Variants in LYAR observed in about 807,000 individuals in gnomAD.
LYAR encodes Ly1 antibody reactive, also known as cell growth-regulating nucleolar protein.
LYAR carries 37 observed loss-of-function variants against 45.2 expected under a neutral mutation model. The observed-to-expected ratio is 0.82, with a 90% CI of 0.63 to 1.08. The LOEUF (loss-of-function observed/expected upper bound fraction) is 1.08. Ranked by LOEUF, LYAR falls within the 50% of genes least tolerant of loss-of-function variation. The pLI is 0.00. For missense variants in LYAR, 493 were observed against 451.0 expected (o/e 1.09, Z -0.84); for synonymous variants, 176 against 155.1 (o/e 1.14, Z -1.00).
At chr4:4,278,234 C>A (rs1202333409) in intron 6 of LYAR, among the ~76,000 whole-genome samples, 5 of 152,150 alleles carry the variant, frequency 3.3e-5, no homozygotes, top group Non-Finnish European at 1.5e-5. Context: ...AAATTTTCAT[C>A]TTGATGCCCA....
At chr4:4,274,005 G>C (rs113585120) in intron 7 of LYAR, among the ~76,000 whole-genome samples, 3,119 of 152,298 alleles carry the variant, frequency 0.02, 119 homozygotes, top group African/African-American at 0.069. Flanking sequence ...GGGAGGCCGA[G>C]GGGGGCGGAT....
chr4:4,275,934 G>A (rs928953478), intron 6 of LYAR, among the ~76,000 whole-genome samples: 1 of 152,172 alleles, frequency 6.6e-6, no homozygotes, highest in African/African-American at 2.4e-5. Flanking sequence ...AACCTCAGGT[G>A]ATCCGCCCGA....
intron 2 of LYAR, among the ~76,000 whole-genome samples, chr4:4,284,707 TA>T (rs3841992): frequency 0.37 from 56,301 of 152,010 alleles, 10,994 homozygotes; most frequent in East Asian, 0.55. Context: ...GAAGTCACAG[TA>T]ATTTTCCATA....
At chr4:4,269,390 G>A (rs1214412528) in intron 8 of LYAR, among the ~76,000 whole-genome samples, 1 of 152,082 alleles carries the variant, frequency 6.6e-6, no homozygotes, top group Non-Finnish European at 1.5e-5. Flanking sequence ...ACCCCCACCC[G>A]CACCAGCAAA....
At chr4:4,281,242 T>C (rs535349134) in intron 4 of LYAR, among the ~76,000 whole-genome samples, 1 of 152,266 alleles carries the variant, frequency 6.6e-6, no homozygotes, top group East Asian at 1.9e-4. Context: ...TAAAACTTTT[T>C]TTTCAAGAAA....
At chr4:4,288,636 C>A (rs1309197629) in intron 1 of LYAR, among the ~76,000 whole-genome samples, 1 of 152,094 alleles carries the variant, frequency 6.6e-6, no homozygotes, top group Non-Finnish European at 1.5e-5. Context: ...CAGGCACATG[C>A]CACCATGCCC....
chr4:4,283,648 G>T lies in LYAR; in HGVS notation c.95C>A (p.Ser32Tyr). The T allele has an allele frequency of 6.2e-7, 1 of 1,612,720 alleles. No individual in the cohort carries two copies. ...GAAATCTTTACCGCAGTCAATGCAAGAAAGGCATTCACAGTTTCTGCAAAC... is the reference window on the plus strand; with the variant it reads ...GAAATCTTTACCGCAGTCAATGCAATAAAGGCATTCACAGTTTCTGCAAAC... ...VSVCRNCECL[S>Y]CIDCGKDFWG... Residue 32 changes from serine to tyrosine, a missense_variant, in exon 3 of 10, where the codon TCT becomes TAT. Transcript: ENST00000343470.
chr4:4,281,310 G>T (rs1230618333), intron 4 of LYAR, among the ~76,000 whole-genome samples: 2 of 144,920 alleles, frequency 1.4e-5, no homozygotes, highest in Non-Finnish European at 2.9e-5. Flanking sequence ...ACAGCTAGAA[G>T]AATAAAGAAC....
intron 8 of LYAR, among the ~76,000 whole-genome samples, chr4:4,270,680 TCAA>T (rs1258968479): frequency 1.3e-5 from 2 of 152,112 alleles, no homozygotes; most frequent in African/African-American, 4.8e-5. Context: ...AAGAAGGTGC[TCAA>T]CAACATTAGT....
chr4:4,267,935 T>C lies in LYAR; in HGVS notation c.1094A>G (p.Asn365Ser). 6.2e-7 allele frequency: 1 copy of C among 1,613,218 alleles called. No individual in the cohort carries two copies. The highest frequency in any genetic ancestry group is 8.5e-7 in the Non-Finnish European group (1 of 1,179,712). ...LVIFNKKISKNPTFKLLKDKV... is the reference protein window; with the variant it reads ...LVIFNKKISKSPTFKLLKDKV... ...GTCCTTTAATAACTTAAAGGTAGGG[T>C]TCTTGCTGATTTTCTTGTTAAAGAT... The change falls in exon 10 of 10, where the codon AAC becomes AGC. Residue 365 changes from asparagine to serine, a missense_variant. Transcript: ENST00000343470.
At chr4:4,271,052 C>A (rs1003143126) in intron 8 of LYAR, among the ~76,000 whole-genome samples, 1 of 152,046 alleles carries the variant, frequency 6.6e-6, no homozygotes, top group African/African-American at 2.4e-5. Flanking sequence ...TTAAAATGTA[C>A]AATTAAATTA....
At chr4:4,275,617 T>C (rs574773819) in intron 6 of LYAR, among the ~76,000 whole-genome samples, 2 of 151,780 alleles carry the variant, frequency 1.3e-5, no homozygotes, top group South Asian at 4.2e-4. Flanking sequence ...GAAAATTGTT[T>C]ATTTTCTGTA....
intron 1 of LYAR, among the ~76,000 whole-genome samples, chr4:4,288,530 G>A (rs2920260): frequency 9.3e-4 from 135 of 145,854 alleles, no homozygotes; most frequent in African/African-American, 3.1e-3. Flanking sequence ...CTGTTGCCCA[G>A]GCTGGAGTAC....
At chr4:4,273,965 G>A (rs558261517) in intron 7 of LYAR, among the ~76,000 whole-genome samples, 1 of 152,260 alleles carries the variant, frequency 6.6e-6, no homozygotes, top group East Asian at 1.9e-4. Context: ...AGCTAGGTGC[G>A]GTAGCTCATG....
chr4:4,289,284 C>T (rs926992313), intron 1 of LYAR, among the ~76,000 whole-genome samples: 7 of 152,184 alleles, frequency 4.6e-5, no homozygotes. Context: ...GTTTTAAACA[C>T]CATCCCTTCA....
chr4:4,286,596 A>T (rs1037771627), intron 1 of LYAR, 24 bp from the exon 2 acceptor site: 1 of 151,292 alleles, frequency 6.6e-6, no homozygotes, highest in African/African-American at 2.4e-5. Context: ...GTAAAACGGT[A>T]TTGTTCAAAT....
intron 6 of LYAR, among the ~76,000 whole-genome samples, chr4:4,276,527 G>C (rs1719184069): frequency 7.7e-6 from 1 of 129,402 alleles, no homozygotes; most frequent in South Asian, 2.7e-4. Flanking sequence ...TGGGTGACAA[G>C]AATGAAACTC....
Position 4,274,436 on chromosome 4 carries a change from G to A in LYAR, c.763C>T (p.Arg255Cys), listed in dbSNP as rs756569454. ...AGKRSKKKKQRKDSASEEEAR... is the reference protein window; with the variant it reads ...AGKRSKKKKQCKDSASEEEAR... ...TCTTCCTCACTGGCGCTGTCCTTGC[G>A]CTGCTTCTTCTTCTTGCTCCTCTTC... The change falls in exon 7 of 10, where the codon CGC (arginine) becomes TGC (cysteine). Residue 255 changes from arginine to cysteine, a missense_variant. Physicochemically the swap from Arg to Cys is radical, Grantham distance 180. Coordinates refer to ENST00000343470, the MANE Select transcript of LYAR (RefSeq NM_017816.3). 8.1e-6 allele frequency: 13 copies of A among 1,613,764 alleles called. No homozygotes were observed. The highest frequency in any genetic ancestry group is 2.7e-5 in the African/African-American group (2 of 74,838).
chr4:4,277,652 C>T (rs1237458967), intron 6 of LYAR, among the ~76,000 whole-genome samples: 1 of 152,226 alleles, frequency 6.6e-6, no homozygotes, highest in African/African-American at 2.4e-5. Context: ...CTGGCTTCTT[C>T]CCAGTGCTGA....
Sources: gnomAD v4.1 joint callset for allele counts (sites outside exome capture counted in the v4.1 genomes callset) on GRCh38, gnomAD v4.1.1 for gene constraint, MANE v1.5 for transcripts, NCBI Gene and HGNC (gene_info 2026-07-23, HGNC 2026-07-21) for gene names.